The following PLEKHG7 variants were observed in gnomAD, a reference collection of about 807,000 sequenced individuals.
PLEKHG7 encodes pleckstrin homology domain-containing family G member 7.
A neutral mutation model predicts 85.2 loss-of-function variants in PLEKHG7; 77 were observed. The ratio of observed to expected loss-of-function variants is 0.90; its 90% CI spans 0.75 to 1.09. The LOEUF (loss-of-function observed/expected upper bound fraction) is 1.09. Ranked by LOEUF, PLEKHG7 falls within the 50% of genes least tolerant of loss-of-function variation. PLEKHG7 has a pLI of 0.00. For synonymous variants in PLEKHG7, 301 were observed against 302.4 expected, an observed-to-expected ratio of 1.00 and a Z score of 0.05; for missense variants, 777 against 804.3, an observed-to-expected ratio of 0.97 and a Z score of 0.41.
At chr12:92,766,664 G>GA (rs1873207711) in intron 15 of PLEKHG7, among the ~76,000 whole-genome samples, 1 of 151,838 alleles carries the variant, frequency 6.6e-6, no homozygotes, top group African/African-American at 2.4e-5. Context: ...TCAACGTGGT[G>GA]AAAAAATACA....
At chr12:92,707,539 A>G in intron 2 of PLEKHG7, 111 bp from the exon 3 acceptor site, 3 of 1,506,452 alleles carry the variant, frequency 2.0e-6, no homozygotes. Context: ...CCAAAATGTA[A>G]AACATGTTTT....
intron 3 of PLEKHG7, among the ~76,000 whole-genome samples, chr12:92,713,205 C>G (rs1392400315): frequency 1.3e-5 from 2 of 152,134 alleles, no homozygotes; most frequent in Non-Finnish European, 2.9e-5. Context: ...TCCCTTTATT[C>G]AAGGGGTTCT....
chr12:92,736,039 A>G (rs1031325790), intron 5 of PLEKHG7, among the ~76,000 whole-genome samples: 2 of 152,184 alleles, frequency 1.3e-5, no homozygotes, highest in African/African-American at 4.8e-5. Flanking sequence ...AACTCGCTTG[A>G]ACACTGGGCT....
intron 3 of PLEKHG7, among the ~76,000 whole-genome samples, chr12:92,722,420 G>A (rs1161703470): frequency 6.6e-6 from 1 of 152,094 alleles, no homozygotes; most frequent in Non-Finnish European, 1.5e-5. Flanking sequence ...GTCTTTTGAT[G>A]AACAAAATAT....
At position 92,764,031 on chromosome 12, in the gene PLEKHG7, T is replaced by C. The variant is rs200207627; in HGVS notation, c.1717-10T>C. ...CTTGTTTATTGCATTATTTTTCTTG[T>C]TAATTTCAGAAACTTGGAGGCTCAG... On this transcript the variant is annotated splice_polypyrimidine_tract_variant and intron_variant, in intron 14 of 16. Transcript: ENST00000344636. 4.7e-5 allele frequency: 75 copies of C among 1,593,334 alleles called. 1 individual carries two copies. The Admixed American group carries it at 8.8e-4, about 19-fold the overall frequency.
intron 3 of PLEKHG7, among the ~76,000 whole-genome samples, chr12:92,728,620 T>C (rs1592677647): frequency 6.6e-6 from 1 of 151,808 alleles, no homozygotes; most frequent in African/African-American, 2.4e-5. Flanking sequence ...TGTGTGTATA[T>C]ACCACATTTT....
intron 3 of PLEKHG7, among the ~76,000 whole-genome samples, chr12:92,726,403 T>C (rs570018714): frequency 6.6e-6 from 1 of 152,188 alleles, no homozygotes; most frequent in East Asian, 1.9e-4. Flanking sequence ...CTTTTGTTGG[T>C]AAATCAAGAC....
chr12:92,763,202 A>G (rs1873087169), intron 14 of PLEKHG7, among the ~76,000 whole-genome samples: 1 of 152,148 alleles, frequency 6.6e-6, no homozygotes, highest in African/African-American at 2.4e-5. Flanking sequence ...CCTCTTTGCT[A>G]TTTTATGTAC....
rs1472917929 is a variant in PLEKHG7, at chr12:92,769,013, A to G, written c.1901A>G (p.Gln634Arg). ...VFGLRNAFLI[Q>R]HENRYRQCIA... ...GGGCTGAGAAATGCTTTTCTTATACAACACGAAAACAGATATCGACAGTGT... is the reference window on the plus strand; with the variant it reads ...GGGCTGAGAAATGCTTTTCTTATACGACACGAAAACAGATATCGACAGTGT... The change falls in exon 16 of 17, where the codon CAA becomes CGA. Residue 634 changes from glutamine to arginine, a missense_variant. By Grantham distance (43) the Gln-to-Arg change is conservative (BLOSUM62 1). Transcript: ENST00000344636. The G allele has an allele frequency of 6.2e-7, 1 of 1,602,596 alleles. No homozygotes were observed. Among genetic ancestry groups the G allele is most frequent in the South Asian group, 1.1e-5 (1 of 89,894 alleles).
chr12:92,758,691 AAC>A (rs1324799392), intron 13 of PLEKHG7, among the ~76,000 whole-genome samples: 1 of 152,242 alleles, frequency 6.6e-6, no homozygotes, highest in African/African-American at 2.4e-5. Context: ...TAATGTCACT[AAC>A]ACCAGGCACT....
chr12:92,761,121 C>A (rs748644152), intron 13 of PLEKHG7, among the ~76,000 whole-genome samples: 1 of 152,206 alleles, frequency 6.6e-6, no homozygotes, highest in Non-Finnish European at 1.5e-5. Flanking sequence ...TAATTACTTT[C>A]TTACTCCAAA....
rs1021558594 is a variant in PLEKHG7, at chr12:92,737,657, AAAGG to A, written c.939+147_939+150del. On this transcript the variant is annotated intron_variant, in intron 7 of 16. Coordinates refer to ENST00000344636, the MANE Select transcript of PLEKHG7 (RefSeq NM_001377329.1). ...AAGAGAAAGAGAGACAAAGAGAAAG[AAAGG>A]AAGGAAGGAAAGGAAGGAAGACAAG... 5.6e-6 allele frequency: 5 copies of A among 891,348 alleles called. No homozygotes were observed. The Admixed American group carries it at 8.3e-5, about 15-fold the overall frequency. 55.2% of individuals were successfully genotyped at this position (891,348 alleles called of 1,614,324 possible). A position where few individuals can be genotyped will look rare whatever the true frequency, so the allele number is the denominator to read the frequency against.
chr12:92,709,016 A>T (rs1345081), intron 3 of PLEKHG7, among the ~76,000 whole-genome samples: 65,918 of 151,986 alleles, frequency 0.43, 15,438 homozygotes, highest in East Asian at 0.89. Context: ...TAGAAAAAAA[A>T]ATTATGTTTA....
chr12:92,706,748 G>T lies in PLEKHG7; in HGVS notation c.117G>T (p.Arg39=). Residue 39 remains arginine, a synonymous_variant, in exon 2 of 17, where the codon CGG becomes CGT. Transcript: ENST00000344636. ...KNQGSLLQFD[R]QAPGRISTSP... is the part of the protein sequence containing the mutation. Reference sequence around the variant, plus strand: ...AGGGGAGTCTCCTCCAGTTTGACCGGCAAGCCCCAGGCCGCATCTCCACCT... The same window carrying T: ...AGGGGAGTCTCCTCCAGTTTGACCGTCAAGCCCCAGGCCGCATCTCCACCT... 1.2e-6 allele frequency: 2 copies of T among 1,614,038 alleles called. No homozygotes were observed. Among genetic ancestry groups the T allele is most frequent in the South Asian group, 2.2e-5 (2 of 91,074 alleles).
At chr12:92,728,839 T>C (rs897923178) in intron 3 of PLEKHG7, among the ~76,000 whole-genome samples, 154 bp from the exon 4 acceptor site, 2 of 152,162 alleles carry the variant, frequency 1.3e-5, no homozygotes, top group African/African-American at 4.8e-5. Flanking sequence ...TCCATTGAGG[T>C]TGAACTAATT....
rs1871905516 is a variant in PLEKHG7, at chr12:92,729,026, G to C, written c.564G>C (p.Leu188=). Reference sequence around the variant, plus strand: ...AGCACAGGCGGAGTTCTGTGGTGCTGAACTTACCTGGACTTGAGGTGTTCC... The same window carrying C: ...AGCACAGGCGGAGTTCTGTGGTGCTCAACTTACCTGGACTTGAGGTGTTCC... The part of the protein sequence containing the change: ...FYEHRRSSVV[L]NLPGLEVFPG... The change falls in exon 4 of 17, where the codon CTG becomes CTC. Residue 188 remains leucine (L), a synonymous_variant. Coordinates refer to ENST00000344636, the MANE Select transcript of PLEKHG7 (RefSeq NM_001377329.1). The C allele has an allele frequency of 1.2e-5, 15 of 1,231,850 alleles. No homozygotes were observed. The highest frequency in any genetic ancestry group is 1.5e-5 in the Non-Finnish European group (15 of 987,822). 76.3% of individuals were successfully genotyped at this position (1,231,850 alleles called of 1,614,324 possible).
chr12:92,719,599 A>G (rs1268908825), intron 3 of PLEKHG7, among the ~76,000 whole-genome samples: 1 of 152,204 alleles, frequency 6.6e-6, no homozygotes, highest in East Asian at 1.9e-4. Flanking sequence ...GCCTTCAATA[A>G]GATTTTTATT....
intron 3 of PLEKHG7, among the ~76,000 whole-genome samples, chr12:92,724,350 G>C (rs567389265): frequency 6.6e-6 from 1 of 152,226 alleles, no homozygotes; most frequent in South Asian, 2.1e-4. Flanking sequence ...TTGACATGGA[G>C]TTGGCAAACA....
intron 2 of PLEKHG7, 172 bp downstream of exon 2, chr12:92,707,310 AG>A: frequency 7.0e-7 from 1 of 1,430,628 alleles, no homozygotes; most frequent in Non-Finnish European, 9.1e-7. Context: ...AAGTGAAAGG[AG>A]GGCAGCAATC....
Sources: allele counts gnomAD v4.1 joint callset (sites outside exome capture counted in the v4.1 genomes callset), GRCh38; gene constraint gnomAD v4.1.1; transcripts MANE v1.5; gene names NCBI Gene and HGNC (gene_info 2026-07-23, HGNC 2026-07-21).